SHANK2: variants seen among roughly 807,000 people sequenced by gnomAD.
SHANK2 encodes the protein SH3 and multiple ankyrin repeat domains protein 2.
Under a neutral mutation model 133.7 loss-of-function variants are expected in SHANK2, and 43 were observed. The ratio of observed to expected loss-of-function variants is 0.32; its 90% CI spans 0.25 to 0.41. The LOEUF is 0.41. SHANK2 is among the 10% of genes least tolerant of loss of function. The pLI is 1.00. For missense variants in SHANK2, 1,994 were observed against 2,235.8 expected (o/e 0.89, Z 2.18); for synonymous variants, 1,017 against 952.8 (o/e 1.07, Z -1.24).
intron 14 of SHANK2, among the ~76,000 whole-genome samples, chr11:70,718,275 C>A: frequency 6.6e-6 from 1 of 152,194 alleles, no homozygotes; most frequent in Non-Finnish European, 1.5e-5. Context: ...TCGGTCTTGG[C>A]CGTTCAGAGC....
intron 14 of SHANK2, among the ~76,000 whole-genome samples, chr11:70,779,339 C>T (rs561650229): frequency 3.3e-5 from 5 of 151,964 alleles, no homozygotes; most frequent in South Asian, 2.1e-4. Flanking sequence ...CAGGACAATG[C>T]GTCCTCATAG....
At chr11:71,167,180 G>A (rs1217869949) in intron 2 of SHANK2, among the ~76,000 whole-genome samples, 4 of 152,128 alleles carry the variant, frequency 2.6e-5, no homozygotes, top group Admixed American at 6.5e-5. Flanking sequence ...AGTCTCCCAC[G>A]TCTACCTCTT....
intron 15 of SHANK2, chr11:70,662,110 C>T (rs1464997353): frequency 7.4e-6 from 3 of 404,784 alleles, no homozygotes; most frequent in Non-Finnish European, 1.4e-5. Flanking sequence ...GTCCCGACCA[C>T]ACGCATCTTC....
At chr11:71,163,479 T>TTCTTGAGGGCTTC (rs1953070467) in intron 2 of SHANK2, among the ~76,000 whole-genome samples, 1 of 152,158 alleles carries the variant, frequency 6.6e-6, no homozygotes, top group East Asian at 1.9e-4. Context: ...GAGCTGATGC[T>TTCTTGAGGGCTTC]TCTTGAGGGC....
chr11:71,056,175 C>T (rs1950917230), intron 10 of SHANK2, among the ~76,000 whole-genome samples: 2 of 152,170 alleles, frequency 1.3e-5, no homozygotes, highest in Non-Finnish European at 2.9e-5. Context: ...CAGCATCTCC[C>T]AACAGCTGCA....
At chr11:71,117,501 G>C (rs1406276099) in intron 4 of SHANK2, among the ~76,000 whole-genome samples, 8 of 152,206 alleles carry the variant, frequency 5.3e-5, no homozygotes. Context: ...CTTCCAGGAT[G>C]GGGGCTGGTG....
At position 70,479,044 on chromosome 11, in the gene SHANK2, T is replaced by G. The variant is rs184265375; in HGVS notation, c.4980-5605A>C. 1.3e-5 allele frequency among the ~76,000 whole-genome samples: 2 copies of G among 152,124 alleles called. No homozygotes were observed. Among genetic ancestry groups the G allele is most frequent in the African/African-American group, 4.8e-5 (2 of 41,420 alleles). On this transcript the variant is annotated intron_variant, in intron 25 of 25. Transcript: ENST00000601538. The surrounding 1 kb of genome is among the most constrained non-coding windows in gnomAD (Gnocchi z 4.4). ...TGGGGAGGAAGATTCTGACTTGAGA[T>G]TTGCCTGTTGATGGGCAAGGACGAG...
chr11:70,798,776 T>A (rs1230067956), intron 13 of SHANK2, among the ~76,000 whole-genome samples: 3 of 152,172 alleles, frequency 2.0e-5, no homozygotes, highest in Non-Finnish European at 4.4e-5. Flanking sequence ...CTGTGCCCCT[T>A]AGGTGATGAG....
intron 2 of SHANK2, among the ~76,000 whole-genome samples, chr11:71,184,173 T>C (rs1953625803): frequency 6.6e-6 from 1 of 152,182 alleles, no homozygotes; most frequent in Non-Finnish European, 1.5e-5. Context: ...CCTGTCACTA[T>C]GCTCTTTTTG....
At chr11:70,700,573 T>A (rs1945496957) in intron 14 of SHANK2, among the ~76,000 whole-genome samples, 1 of 152,074 alleles carries the variant, frequency 6.6e-6, no homozygotes, top group Non-Finnish European at 1.5e-5. Context: ...TGCACACACC[T>A]CCCCTTTGCT....
intron 17 of SHANK2, among the ~76,000 whole-genome samples, chr11:70,585,802 C>T (rs1311196340): frequency 6.6e-6 from 1 of 151,210 alleles, no homozygotes; most frequent in Non-Finnish European, 1.5e-5. Flanking sequence ...ACTTAACTAC[C>T]CAACCACTCA....
At chr11:70,946,209 A>G (rs1950729080) in intron 10 of SHANK2, among the ~76,000 whole-genome samples, 1 of 134,458 alleles carries the variant, frequency 7.4e-6, no homozygotes, top group Admixed American at 7.5e-5. Flanking sequence ...CCTCTCCGCT[A>G]ACCAACTCTT....
At chr11:70,480,962 G>A (rs2058725247) in intron 25 of SHANK2, among the ~76,000 whole-genome samples, 1 of 152,194 alleles carries the variant, frequency 6.6e-6, no homozygotes, top group African/African-American at 2.4e-5. Flanking sequence ...CAGGCCTCTG[G>A]GCTGGCAGCT....
chr11:71,137,998 GAATGCAGCTTCTAATGGT>G (rs1952479979), intron 3 of SHANK2, among the ~76,000 whole-genome samples: 3 of 150,660 alleles, frequency 2.0e-5, no homozygotes, highest in Non-Finnish European at 2.9e-5. Flanking sequence ...CAAAGCACCC[GAATGCAGCTTCTAATGGT>G]AACGAACCAC....
chr11:70,599,905 G>GAAAGAAAGAAAGAAAA (rs1466206835), intron 17 of SHANK2, among the ~76,000 whole-genome samples: 1 of 73,730 alleles, frequency 1.4e-5, no homozygotes, highest in African/African-American at 6.1e-5. Flanking sequence ...AAGAAAGAAA[G>GAAAGAAAGAAAGAAAA]AGAAAGAAAG....
intron 14 of SHANK2, among the ~76,000 whole-genome samples, chr11:70,755,549 AGCCCCG>A (rs1395034862): frequency 6.6e-6 from 1 of 152,162 alleles, no homozygotes; most frequent in African/African-American, 2.4e-5. Context: ...GCACGTCCCC[AGCCCCG>A]GCCCCGGCCT....
At chr11:70,871,872 C>T (rs1440124532) in intron 11 of SHANK2, among the ~76,000 whole-genome samples, 5 of 152,190 alleles carry the variant, frequency 3.3e-5, no homozygotes, top group African/African-American at 2.4e-5. Context: ...TAAGGCAAGA[C>T]GCATCCCATC....
chr11:70,512,279 T>C (rs1350491911), intron 17 of SHANK2, among the ~76,000 whole-genome samples: 1 of 152,230 alleles, frequency 6.6e-6, no homozygotes, highest in Admixed American at 6.5e-5. Flanking sequence ...CCAAATGTCC[T>C]ATGGAAGGTC....
chr11:70,655,808 T>C (rs1004493377), intron 17 of SHANK2, among the ~76,000 whole-genome samples: 1 of 152,164 alleles, frequency 6.6e-6, no homozygotes. Flanking sequence ...GAGGCTGGAA[T>C]GTCAACTTGC....
Sources: gnomAD v4.1 joint callset for allele counts (sites outside exome capture counted in the v4.1 genomes callset) on GRCh38, gnomAD v4.1.1 for gene constraint, Gnocchi (gnomAD v3.1) non-coding constraint, MANE v1.5 for transcripts, NCBI Gene and HGNC (gene_info 2026-07-23, HGNC 2026-07-21) for gene names.